Variants in UBE2E2 observed in about 807,000 individuals in gnomAD.
UBE2E2 encodes ubiquitin-conjugating enzyme E2 E2.
A neutral mutation model predicts 24.7 loss-of-function variants in UBE2E2; 6 were observed. The ratio of observed to expected loss-of-function variants is 0.24; its 90% CI spans 0.13 to 0.48. The LOEUF (loss-of-function observed/expected upper bound fraction) is 0.48. UBE2E2 is among the 20% of genes least tolerant of loss of function. The pLI, the probability that UBE2E2 is intolerant of heterozygous loss-of-function variation, is 0.99. For missense variants in UBE2E2, 169 were observed against 245.0 expected, an observed-to-expected ratio of 0.69 and a Z score of 2.07; for synonymous variants, 104 against 83.6, an observed-to-expected ratio of 1.24 and a Z score of -1.33.
intron 5 of UBE2E2, among the ~76,000 whole-genome samples, chr3:23,567,186 T>C (rs1270140715): frequency 1.3e-5 from 2 of 152,316 alleles, no homozygotes; most frequent in East Asian, 3.9e-4. Flanking sequence ...ACAATATGCT[T>C]CCCGTGATGT....
chr3:23,517,820 C>CA (rs1694776476), intron 4 of UBE2E2, among the ~76,000 whole-genome samples: 2 of 152,002 alleles, frequency 1.3e-5, no homozygotes, highest in Non-Finnish European at 2.9e-5. Flanking sequence ...CCACAGCAGA[C>CA]AATTTTCTAC....
chr3:23,551,939 ACCCTGATCCAATGGGATTCATGT>A (rs1695653904), intron 5 of UBE2E2, among the ~76,000 whole-genome samples: 1 of 152,146 alleles, frequency 6.6e-6, no homozygotes, highest in South Asian at 2.1e-4. Context: ...TAAGGGTGGA[ACCCTGATCCAATGGGATTCATGT>A]CCCTTTAAGG....
chr3:23,204,666 C>T, intron 1 of UBE2E2: 1 of 982,080 alleles, frequency 1.0e-6, no homozygotes, highest in African/African-American at 1.7e-5. Context: ...AATGCCATAC[C>T]CCATTCTCTT....
intron 3 of UBE2E2, among the ~76,000 whole-genome samples, chr3:23,479,506 C>G (rs1421368994): frequency 6.6e-6 from 1 of 152,076 alleles, no homozygotes; most frequent in African/African-American, 2.4e-5. Context: ...GCTCTTCTCT[C>G]TTTCTCTTCA....
intron 3 of UBE2E2, among the ~76,000 whole-genome samples, chr3:23,349,925 T>G (rs1482644264): frequency 1.3e-5 from 2 of 152,226 alleles, no homozygotes; most frequent in Non-Finnish European, 2.9e-5. Context: ...ACGGGCAGAC[T>G]GCCTCCTCAA....
intron 3 of UBE2E2, among the ~76,000 whole-genome samples, chr3:23,272,764 T>G (rs2125364729): frequency 6.6e-6 from 1 of 152,138 alleles, no homozygotes; most frequent in East Asian, 1.9e-4. Flanking sequence ...AGCTGGAGAC[T>G]CAGGAGAGCT....
chr3:23,292,080 G>C (rs185398267), intron 3 of UBE2E2, among the ~76,000 whole-genome samples: 5 of 151,922 alleles, frequency 3.3e-5, no homozygotes, highest in Admixed American at 2.0e-4. Flanking sequence ...GGATGGTCTT[G>C]ATCTCCTGAC....
intron 3 of UBE2E2, among the ~76,000 whole-genome samples, chr3:23,218,720 G>T (rs936076916): frequency 1.3e-5 from 2 of 151,916 alleles, no homozygotes; most frequent in African/African-American, 2.4e-5. Context: ...TTTGTTTAAG[G>T]CTCATTTTTA....
intron 3 of UBE2E2, among the ~76,000 whole-genome samples, chr3:23,269,205 A>C (rs1191040429): frequency 1.3e-5 from 2 of 148,948 alleles, no homozygotes; most frequent in Non-Finnish European, 3.0e-5. Flanking sequence ...GAAAAATGGG[A>C]TCTAATTAAA....
Position 23,483,844 on chromosome 3 carries a change from G to A in UBE2E2, c.228-15764G>A, listed in dbSNP as rs373177394. ...GGGCAGGGTGGGAGTTCCAGAAGCT[G>A]TTCAAGCTCTTTTTAAAGCAGTGGA... On this transcript the variant is annotated intron_variant, in intron 3 of 5. Transcript: ENST00000396703. Among the ~76,000 whole-genome samples, 4 of 152,182 alleles carry A rather than the reference G, an allele frequency of 2.6e-5. No homozygotes were observed. The East Asian group carries it at 5.8e-4, about 22-fold the overall frequency.
chr3:23,514,627 C>T (rs1188155396), intron 4 of UBE2E2, among the ~76,000 whole-genome samples: 1 of 151,610 alleles, frequency 6.6e-6, no homozygotes, highest in Non-Finnish European at 1.5e-5. Flanking sequence ...GATGGTGTGT[C>T]GGTGCCTGAC....
intron 2 of UBE2E2, among the ~76,000 whole-genome samples, chr3:23,215,132 A>G (rs1341450860): frequency 1.3e-5 from 2 of 152,088 alleles, no homozygotes; most frequent in Non-Finnish European, 2.9e-5. Flanking sequence ...TATGAATAAC[A>G]TGTTTTTTAT....
At chr3:23,475,836 G>A (rs1258714740) in intron 3 of UBE2E2, among the ~76,000 whole-genome samples, 19 of 152,034 alleles carry the variant, frequency 1.2e-4, no homozygotes. Flanking sequence ...GGTACATCAT[G>A]CCTGTGCAGT....
rs756453887 is a variant in UBE2E2 at position 23,295,318 on chromosome 3, C to T, written c.227+78006C>T. On this transcript the variant is annotated intron_variant, in intron 3 of 5. Coordinates refer to ENST00000396703, the MANE Select transcript of UBE2E2 (RefSeq NM_152653.4). ...TTTTTTTATTTTTGTTTTTGGCTGT[C>T]TTTGCTGGTTTCTTTTCATGCCTCA... is the stretch of plus-strand genomic sequence containing the variant. Among the ~76,000 whole-genome samples the T allele has an allele frequency of 1.8e-4, 28 of 151,952 alleles. No homozygotes were observed. The Middle Eastern group carries it at 0.01, about 55-fold the overall frequency.
chr3:23,579,822 G>T (rs1342784997), intron 5 of UBE2E2, among the ~76,000 whole-genome samples: 4 of 152,194 alleles, frequency 2.6e-5, no homozygotes, highest in Non-Finnish European at 5.9e-5. Context: ...CATTCTGTGT[G>T]CCATTAAGAA....
chr3:23,228,700 A>G (rs921122514), intron 3 of UBE2E2, among the ~76,000 whole-genome samples: 1 of 152,172 alleles, frequency 6.6e-6, no homozygotes, highest in Admixed American at 6.6e-5. Context: ...AACTGTCTAC[A>G]TTCTTCAGAA....
chr3:23,567,376 A>G (rs960705805), intron 5 of UBE2E2, among the ~76,000 whole-genome samples: 5 of 152,204 alleles, frequency 3.3e-5, no homozygotes, highest in Non-Finnish European at 5.9e-5. Flanking sequence ...AAACAACAGT[A>G]TGTTCGAGTT....
In UBE2E2 at chr3:23,384,336, G is replaced by A. The variant is rs541113657; in HGVS notation, c.228-115272G>A. 3.3e-5 allele frequency among the ~76,000 whole-genome samples: 5 copies of A among 150,370 alleles called. 1 individual carries two copies. In the South Asian group the frequency reaches 1.1e-3, roughly 32 times the overall value. On this transcript the variant is annotated intron_variant, in intron 3 of 5. Coordinates refer to ENST00000396703, the MANE Select transcript of UBE2E2 (RefSeq NM_152653.4). The stretch of plus-strand genomic sequence containing the variant: ...GTTCTGCCACACCCAGCTAATTTTT[G>A]TATTTTCTGTAGAGTTGGGGTTTCT...
At chr3:23,437,984 C>T (rs1370657505) in intron 3 of UBE2E2, among the ~76,000 whole-genome samples, 1 of 152,136 alleles carries the variant, frequency 6.6e-6, no homozygotes, top group African/African-American at 2.4e-5. Context: ...CTGGAAATGA[C>T]CAAGTTGGAA....
Sources: gnomAD v4.1 joint callset for allele counts (sites outside exome capture counted in the v4.1 genomes callset) on GRCh38, gnomAD v4.1.1 for gene constraint, MANE v1.5 for transcripts, NCBI Gene and HGNC (gene_info 2026-07-23, HGNC 2026-07-21) for gene names.